NXN: variants seen among roughly 807,000 people sequenced by gnomAD.
NXN encodes nucleoredoxin.
A neutral mutation model predicts 48.6 loss-of-function variants in NXN; 16 were observed. The ratio of observed to expected loss-of-function variants is 0.33; its 90% CI spans 0.22 to 0.50. The LOEUF (loss-of-function observed/expected upper bound fraction) is 0.50, where lower values mean the gene tolerates loss of function less well. Ranked by LOEUF, NXN falls within the 20% of genes least tolerant of loss-of-function variation. The probability of loss-of-function intolerance (pLI) is 0.98; values close to 1 mark genes in which losing one functional copy is unlikely to be tolerated. For missense variants in NXN, 492 were observed against 605.5 expected, an observed-to-expected ratio of 0.81 and a Z score of 1.97; for synonymous variants, 281 against 269.6, an observed-to-expected ratio of 1.04 and a Z score of -0.41.
chr17:929,296 T>C (rs959384067), intron 1 of NXN, among the ~76,000 whole-genome samples: 3 of 152,240 alleles, frequency 2.0e-5, no homozygotes, highest in African/African-American at 7.2e-5. Context: ...CTACTGGCAT[T>C]TGAGTTGGTG....
chr17:966,637 A>G (rs1244658650), intron 1 of NXN, among the ~76,000 whole-genome samples: 2 of 151,948 alleles, frequency 1.3e-5, no homozygotes, highest in Admixed American at 1.3e-4. Context: ...ATGAGCCACC[A>G]CGCCCGGCTG....
rs2144747254 is a variant in NXN, at chr17:851,223, C to CG, written c.361-25146dup. Reference sequence around the variant, plus strand: ...AAGCCGGGGGATGCGGTGGGGAGGCCGGGGCCCAGCAAGCCTGAGCTCCGC... The same window carrying CG: ...AAGCCGGGGGATGCGGTGGGGAGGCCGGGGGCCCAGCAAGCCTGAGCTCCGC... On this transcript the variant is annotated intron_variant, in intron 1 of 7. Transcript: ENST00000336868. 2.0e-5 allele frequency among the ~76,000 whole-genome samples: 3 copies of CG among 152,334 alleles called. 1 individual carries two copies. In the South Asian group the frequency reaches 6.2e-4, roughly 32 times the overall value.
At chr17:963,670 T>C (rs570578650) in intron 1 of NXN, among the ~76,000 whole-genome samples, 1 of 152,322 alleles carries the variant, frequency 6.6e-6, no homozygotes, top group Admixed American at 6.5e-5. Context: ...AAAAACCATT[T>C]AAGCATATGT....
At chr17:916,485 C>T (rs941145294) in intron 1 of NXN, among the ~76,000 whole-genome samples, 4 of 152,260 alleles carry the variant, frequency 2.6e-5, no homozygotes, top group South Asian at 4.1e-4. Flanking sequence ...CATTCCAAAA[C>T]TTAAAAATGA....
At chr17:877,713 C>T (rs1050543837) in intron 1 of NXN, among the ~76,000 whole-genome samples, 1 of 152,158 alleles carries the variant, frequency 6.6e-6, no homozygotes, top group Non-Finnish European at 1.5e-5. Context: ...TTACAAAATA[C>T]TCGTTATTTT....
chr17:823,169 C>T (rs534985715), intron 3 of NXN, among the ~76,000 whole-genome samples: 25 of 150,638 alleles, frequency 1.7e-4, no homozygotes, highest in African/African-American at 5.9e-4. Flanking sequence ...GAGGCCGAGG[C>T]GGGCAGATCA....
chr17:813,041 G>A (rs1332169911), intron 5 of NXN, among the ~76,000 whole-genome samples: 1 of 151,990 alleles, frequency 6.6e-6, no homozygotes, highest in Non-Finnish European at 1.5e-5. Flanking sequence ...GTGAATGTGT[G>A]AGCGTGTGTG....
At chr17:852,616 A>G (rs868534126) in intron 1 of NXN, among the ~76,000 whole-genome samples, 59 of 152,070 alleles carry the variant, frequency 3.9e-4, no homozygotes, top group African/African-American at 1.3e-3. Context: ...CTGGAAGCGG[A>G]TATGGAGCAG....
chr17:970,258 A>G (rs994152996), intron 1 of NXN, among the ~76,000 whole-genome samples: 1 of 152,116 alleles, frequency 6.6e-6, no homozygotes, highest in Non-Finnish European at 1.5e-5. Context: ...TGGAAGTTGG[A>G]ACGGCAGTTT....
In NXN at chr17:920,883, C is replaced by T. The variant is rs998836837; in HGVS notation, c.360+58436G>A. 3.9e-5 allele frequency among the ~76,000 whole-genome samples: 6 copies of T among 151,958 alleles called. No individual in the cohort carries two copies. Among genetic ancestry groups the T allele is most frequent in the African/African-American group, 9.7e-5 (4 of 41,360 alleles). Reference sequence around the variant, plus strand: ...GATTACAGGCGCCCGCCACCATGTCCGGCTAATTTTTGTAATTTTAGTAAA... The same window carrying T: ...GATTACAGGCGCCCGCCACCATGTCTGGCTAATTTTTGTAATTTTAGTAAA... On this transcript the variant is annotated intron_variant, in intron 1 of 7. Transcript: ENST00000336868. This position sits in a 1 kb window ranked among gnomAD's most constrained non-coding sequence, Gnocchi z 4.6.
intron 1 of NXN, among the ~76,000 whole-genome samples, chr17:927,717 C>T (rs888417216): frequency 2.6e-5 from 4 of 152,120 alleles, no homozygotes; most frequent in Middle Eastern, 3.4e-3. Context: ...GAGGCATACT[C>T]CGTGGGAGAC....
At chr17:876,042 G>A (rs139549901) in intron 1 of NXN, among the ~76,000 whole-genome samples, 1,836 of 152,156 alleles carry the variant, frequency 0.012, 23 homozygotes, top group Non-Finnish European at 0.02. Flanking sequence ...TTAGCCGGGC[G>A]TGGTGGCGTG....
chr17:874,349 G>C (rs919297776), intron 1 of NXN, among the ~76,000 whole-genome samples: 2 of 152,148 alleles, frequency 1.3e-5, no homozygotes, highest in African/African-American at 4.8e-5. Flanking sequence ...CAGCACTTTG[G>C]GAGGCCGAGG....
intron 1 of NXN, among the ~76,000 whole-genome samples, chr17:906,858 C>T (rs975287774): frequency 1.3e-5 from 2 of 152,104 alleles, no homozygotes; most frequent in Non-Finnish European, 2.9e-5. Context: ...AGGCGTGAGC[C>T]ACCGTGCCCG....
intron 1 of NXN, among the ~76,000 whole-genome samples, chr17:946,002 G>A (rs2069039062): frequency 6.6e-6 from 1 of 152,114 alleles, no homozygotes. Context: ...GCTCTTTCTT[G>A]GCTGCCAGAG....
intron 1 of NXN, among the ~76,000 whole-genome samples, chr17:939,710 G>A (rs1295697135): frequency 2.0e-5 from 3 of 152,124 alleles, no homozygotes; most frequent in Non-Finnish European, 4.4e-5. Flanking sequence ...TCCTAATTGT[G>A]TAAGACACAC....
At chr17:886,725 C>T (rs984654093) in intron 1 of NXN, among the ~76,000 whole-genome samples, 1 of 151,102 alleles carries the variant, frequency 6.6e-6, no homozygotes, top group African/African-American at 2.4e-5. Context: ...TTGCAGTGAG[C>T]TGAGATCGTG....
intron 1 of NXN, chr17:959,099 G>A (rs568178804): frequency 8.5e-5 from 29 of 343,060 alleles, no homozygotes; most frequent in South Asian, 3.2e-4. Context: ...GAGGCGCGTC[G>A]ACCTGATGTA....
intron 1 of NXN, among the ~76,000 whole-genome samples, chr17:865,666 T>C (rs950132509): frequency 6.6e-6 from 1 of 152,034 alleles, no homozygotes; most frequent in African/African-American, 2.4e-5. Context: ...CAGATATGCA[T>C]GTGTGAAGTG....
Sources: gnomAD v4.1 joint callset for allele counts (sites outside exome capture counted in the v4.1 genomes callset) on GRCh38, gnomAD v4.1.1 for gene constraint, Gnocchi (gnomAD v3.1) non-coding constraint, MANE v1.5 for transcripts, NCBI Gene and HGNC (gene_info 2026-07-23, HGNC 2026-07-21) for gene names.